The following CP variants were observed in gnomAD, a reference collection of about 807,000 sequenced individuals.
The protein encoded by CP is caeruloplasmin.
Under a neutral mutation model 122.4 loss-of-function variants are expected in CP, and 64 were observed. The observed-to-expected ratio is 0.52, with a 90% CI of 0.43 to 0.64. The LOEUF is 0.64. CP is among the 30% of genes least tolerant of loss of function. The probability of loss-of-function intolerance (pLI) is 0.00; values close to 1 mark genes in which losing one functional copy is unlikely to be tolerated. For missense variants in CP, 1,167 were observed against 1,284.4 expected (o/e 0.91, Z 1.40); for synonymous variants, 440 against 436.4 (o/e 1.01, Z -0.10).
At position 149,186,685 on chromosome 3, in the gene CP, T is replaced by C. The variant is rs769192440; in HGVS notation, c.1912A>G (p.Lys638Glu). The change falls in exon 11 of 19, where the codon AAA becomes GAA. Residue 638 changes from lysine (K) to glutamate (E), a missense_variant. Coordinates refer to ENST00000264613, the MANE Select transcript of CP (RefSeq NM_000096.4). ...AAGTACCACACGACCGAATCTCCTT[T>C]GCACATAGTGAGACCCGGCTGATTC... ...YGNQPGLTMC[K>E]GDSVVWYLFS... is the part of the protein sequence containing the mutation. 1.2e-6 allele frequency: 2 copies of C among 1,614,194 alleles called. No homozygotes were observed. The highest frequency in any genetic ancestry group is 1.7e-6 in the Non-Finnish European group (2 of 1,180,026).
chr3:149,180,267 C>G (rs1167528870), intron 14 of CP: 1 of 157,260 alleles, frequency 6.4e-6, no homozygotes. Context: ...TTCTATCACA[C>G]CATGTGCTGT....
Position 149,175,156 on chromosome 3 carries a change from G to T in CP, c.3181+1094C>A, listed in dbSNP as rs185648082. 1.6e-3 allele frequency among the ~76,000 whole-genome samples: 238 copies of T among 152,058 alleles called. 2 individuals are homozygous for T. Among genetic ancestry groups the T allele is most frequent in the African/African-American group, 5.3e-3 (221 of 41,484 alleles). On this transcript the variant is annotated intron_variant, in intron 18 of 18. Coordinates refer to ENST00000264613, the MANE Select transcript of CP (RefSeq NM_000096.4). ...TTGAGCAAGACCATCCTTTTGTGTGGTTTACATGCAACCACATGTAACCAC... is the reference window on the plus strand; with the variant it reads ...TTGAGCAAGACCATCCTTTTGTGTGTTTTACATGCAACCACATGTAACCAC...
At chr3:149,218,681 T>C (rs193102686) in intron 1 of CP, among the ~76,000 whole-genome samples, 2 of 152,310 alleles carry the variant, frequency 1.3e-5, no homozygotes. Context: ...CAGTCTATGA[T>C]TTTTCCTATC....
At chr3:149,213,907 G>A (rs985014652) in intron 1 of CP, among the ~76,000 whole-genome samples, 1 of 152,146 alleles carries the variant, frequency 6.6e-6, no homozygotes, top group South Asian at 2.1e-4. Context: ...AAAAGTCTAA[G>A]GCCTGATGTT....
chr3:149,179,936 T>C, intron 14 of CP: 1 of 384,406 alleles, frequency 2.6e-6, no homozygotes, highest in South Asian at 2.8e-5. Context: ...AGGAGGTGTG[T>C]ACTTCAATAT....
intron 9 of CP, among the ~76,000 whole-genome samples, chr3:149,194,159 A>ATTACT (rs1726730015): frequency 6.6e-6 from 1 of 152,158 alleles, no homozygotes; most frequent in Non-Finnish European, 1.5e-5. Flanking sequence ...TTCCAAAGTA[A>ATTACT]GCACAAGATC....
At chr3:149,166,534 A>G (rs1724433534) in intron 4 of CP, among the ~76,000 whole-genome samples, 1 of 152,204 alleles carries the variant, frequency 6.6e-6, no homozygotes, top group South Asian at 2.1e-4. Flanking sequence ...TCATTTTATC[A>G]TAAACTTTTT....
intron 4 of CP, among the ~76,000 whole-genome samples, chr3:149,166,851 A>T (rs887190184): frequency 6.6e-6 from 1 of 152,256 alleles, no homozygotes; most frequent in African/African-American, 2.4e-5. Context: ...AACTAGAGGT[A>T]GTTTCAAGAT....
intron 2 of CP, among the ~76,000 whole-genome samples, chr3:149,212,109 C>G (rs550434525): frequency 3.3e-5 from 5 of 151,388 alleles, no homozygotes; most frequent in Non-Finnish European, 7.4e-5. Flanking sequence ...CTGGCTAACA[C>G]GGTGAAACCC....
At position 149,178,049 on chromosome 3, in the gene CP, A is replaced by C; in HGVS notation, c.2879-70T>G. Reference sequence around the variant, plus strand: ...AACCAATAGCTATTTCAAAGAAAATATGATTATTAGGTTAATGTAAAGAAT... The same window carrying C: ...AACCAATAGCTATTTCAAAGAAAATCTGATTATTAGGTTAATGTAAAGAAT... On this transcript the variant is annotated intron_variant, in intron 16 of 18. Transcript: ENST00000264613. 2.2e-6 allele frequency: 3 copies of C among 1,378,756 alleles called. No individual in the cohort carries two copies. In the Admixed American group the frequency reaches 5.0e-5, roughly 23 times the overall value. 85.4% of individuals were successfully genotyped at this position (1,378,756 alleles called of 1,614,324 possible). A position where few individuals can be genotyped will look rare whatever the true frequency, so the allele number is the denominator to read the frequency against.
chr3:149,207,504 A>C lies in CP; in HGVS notation c.895T>G (p.Phe299Val). 1 of 1,614,042 alleles carries C rather than the reference A, an allele frequency of 6.2e-7. No individual in the cohort carries two copies. The highest frequency in any genetic ancestry group is 8.5e-7 in the Non-Finnish European group (1 of 1,179,888). Residue 299 changes from phenylalanine (F) to valine (V), a missense_variant, in exon 5 of 19, where the codon TTT becomes GTT. This residue lies in a region of CP where 642 missense variants were observed against 627.3 expected (regional missense o/e 1.02). Transcript: ENST00000264613. ...TTGTTAGTCAGTGCTTGCCCGTGAAAGAAAGCTGCGTGCACATCAACTTCA... is the reference window on the plus strand; with the variant it reads ...TTGTTAGTCAGTGCTTGCCCGTGAACGAAAGCTGCGTGCACATCAACTTCA... ...GNEVDVHAAF[F>V]HGQALTNKNY... is the part of the protein sequence containing the mutation.
At chr3:149,196,569 G>C (rs1726910543) in intron 9 of CP, among the ~76,000 whole-genome samples, 1 of 152,130 alleles carries the variant, frequency 6.6e-6, no homozygotes, top group Non-Finnish European at 1.5e-5. Context: ...CGTTATACTA[G>C]AAAGCAAAGA....
rs941113561 is a variant in CP at position 149,203,087 on chromosome 3, T to C, written c.1209-846A>G. Among the ~76,000 whole-genome samples the C allele has an allele frequency of 3.3e-5, 5 of 151,652 alleles. No individual in the cohort carries two copies. In the East Asian group the frequency reaches 5.8e-4, roughly 18 times the overall value. ...ACGCCCGGCTAATTTTTTGTATTTT[T>C]AGTAGAGACGGGGTTTCACCGTGTT... On this transcript the variant is annotated intron_variant, in intron 6 of 18. Transcript: ENST00000264613.
rs1414404901 is a variant in CP at position 149,202,229 on chromosome 3, C to A, written c.1221G>T (p.Val407=). 6.2e-7 allele frequency: 1 copy of A among 1,614,160 alleles called. No homozygotes were observed. The highest frequency in any genetic ancestry group is 1.1e-5 in the South Asian group (1 of 91,086). The change falls in exon 7 of 19, where the codon GTG becomes GTT. Residue 407 remains valine (V), a synonymous_variant. Transcript: ENST00000264613. ...TTCTTGTGGTACCTTGTTCAAAAAACACCGCTGAGTCACTGCAGGGGGAAA... is the reference window on the plus strand; with the variant it reads ...TTCTTGTGGTACCTTGTTCAAAAAAAACCGCTGAGTCACTGCAGGGGGAAA... The part of the protein sequence containing the change: ...NLTAPGSDSA[V]FFEQGTTRIG...
exon 6 of CP, chr3:149,162,704 G>A: frequency 6.2e-7 from 1 of 1,613,950 alleles, no homozygotes; most frequent in Non-Finnish European, 8.5e-7. Flanking sequence ...TTTGTGCTAA[G>A]GATGAAGATA....
chr3:149,172,461 G>A (rs886058083), downstream of CP: 3 of 396,846 alleles, frequency 7.6e-6, no homozygotes, highest in Admixed American at 3.8e-5. Flanking sequence ...AATGTAAAAA[G>A]TCTTTAAGAC....
At chr3:149,179,468 T>C in intron 15 of CP, 88 bp downstream of exon 15, 1 of 991,566 alleles carries the variant, frequency 1.0e-6, no homozygotes, top group South Asian at 1.3e-5. Flanking sequence ...TAACGTAGAA[T>C]TGGACCACAG....
chr3:149,191,206 T>A (rs1274002327), intron 9 of CP, among the ~76,000 whole-genome samples: 1 of 152,044 alleles, frequency 6.6e-6, no homozygotes, highest in Non-Finnish European at 1.5e-5. Context: ...CTCCACATTA[T>A]CTGAACTAGA....
intron 5 of CP, among the ~76,000 whole-genome samples, chr3:149,206,662 A>G (rs1163620390): frequency 6.6e-6 from 1 of 152,148 alleles, no homozygotes; most frequent in Admixed American, 6.6e-5. Flanking sequence ...ATAAGCAGAG[A>G]AGAGAGGCTT....
Sources: gnomAD v4.1 joint callset for allele counts (sites outside exome capture counted in the v4.1 genomes callset) on GRCh38, gnomAD v4.1.1 for gene constraint, gnomAD v4.1.1 regional missense constraint, MANE v1.5 for transcripts, NCBI Gene and HGNC (gene_info 2026-07-23, HGNC 2026-07-21) for gene names.